Variants in CNTN5 observed in about 807,000 individuals in gnomAD.
CNTN5 encodes contactin 5.
CNTN5 carries 77 observed loss-of-function variants against 129.1 expected under a neutral mutation model. That is an observed-to-expected ratio of 0.60 (90% CI 0.50 to 0.72). The LOEUF is 0.72. CNTN5 is among the 30% of genes least tolerant of loss of function. The probability of loss-of-function intolerance (pLI) is 0.00; values close to 1 mark genes in which losing one functional copy is unlikely to be tolerated. For synonymous variants in CNTN5, 509 were observed against 465.6 expected, an observed-to-expected ratio of 1.09 and a Z score of -1.20; for missense variants, 1,478 against 1,328.8, an observed-to-expected ratio of 1.11 and a Z score of -1.75.
chr11:99,250,033 A>T (rs1156768323), intron 1 of CNTN5, among the ~76,000 whole-genome samples: 1 of 151,964 alleles, frequency 6.6e-6, no homozygotes, highest in Non-Finnish European at 1.5e-5. Flanking sequence ...GTGAGAGCAC[A>T]TTGGGATCAT....
intron 13 of CNTN5, among the ~76,000 whole-genome samples, chr11:100,094,483 T>C (rs1196234367): frequency 6.6e-6 from 1 of 152,150 alleles, no homozygotes; most frequent in Non-Finnish European, 1.5e-5. Flanking sequence ...TTTTAAACCT[T>C]TTAAGACTTT....
chr11:99,218,208 C>G (rs1310349822), intron 1 of CNTN5, among the ~76,000 whole-genome samples: 4 of 152,096 alleles, frequency 2.6e-5, no homozygotes, highest in African/African-American at 9.7e-5. Flanking sequence ...TTCCCTTGGA[C>G]TCTGTGACAT....
At chr11:99,764,851 G>T (rs1944700312) in intron 3 of CNTN5, among the ~76,000 whole-genome samples, 1 of 152,122 alleles carries the variant, frequency 6.6e-6, no homozygotes, top group South Asian at 2.1e-4. Flanking sequence ...GCATATGGCT[G>T]TAGCATCCTT....
intron 3 of CNTN5, among the ~76,000 whole-genome samples, chr11:99,756,487 T>G (rs1373589989): frequency 6.6e-6 from 1 of 152,126 alleles, no homozygotes; most frequent in African/African-American, 2.4e-5. Flanking sequence ...AAAGGTAGAT[T>G]GCATCTTGTC....
At chr11:99,994,209 G>A (rs1939303518) in intron 8 of CNTN5, among the ~76,000 whole-genome samples, 1 of 152,072 alleles carries the variant, frequency 6.6e-6, no homozygotes, top group Non-Finnish European at 1.5e-5. Flanking sequence ...TAATCTGGAA[G>A]AGAAGAGAGA....
At chr11:99,678,371 A>C (rs1316525324) in intron 3 of CNTN5, among the ~76,000 whole-genome samples, 1 of 152,148 alleles carries the variant, frequency 6.6e-6, no homozygotes, top group East Asian at 1.9e-4. Context: ...ATATGGCTAC[A>C]CAAAACAATC....
intron 7 of CNTN5, among the ~76,000 whole-genome samples, chr11:99,947,535 A>C (rs184646952): frequency 8.1e-4 from 123 of 152,304 alleles, no homozygotes; most frequent in Non-Finnish European, 1.3e-3. Context: ...CCATAAAAGC[A>C]CAAAAAACAT....
intron 21 of CNTN5, among the ~76,000 whole-genome samples, chr11:100,318,228 G>A (rs182503114): frequency 4.3e-4 from 55 of 129,208 alleles, no homozygotes; most frequent in African/African-American, 1.1e-3. Flanking sequence ...GCAATAGAGC[G>A]AGACTCTGTC....
chr11:100,045,320 C>G (rs542487702), intron 9 of CNTN5, among the ~76,000 whole-genome samples: 185 of 152,070 alleles, frequency 1.2e-3, no homozygotes, highest in African/African-American at 4.3e-3. Flanking sequence ...ACTTTAGTCA[C>G]CATGGTTTAA....
intron 13 of CNTN5, among the ~76,000 whole-genome samples, chr11:100,135,173 AGT>A (rs1491242832): frequency 7.3e-6 from 1 of 137,564 alleles, no homozygotes; most frequent in Non-Finnish European, 1.6e-5. Context: ...TGGATATAAA[AGT>A]GTTTTTTTTT....
intron 6 of CNTN5, among the ~76,000 whole-genome samples, chr11:99,907,495 C>G (rs1949540755): frequency 6.6e-6 from 1 of 151,678 alleles, no homozygotes; most frequent in African/African-American, 2.4e-5. Flanking sequence ...AAAAGTGTAT[C>G]CTGGAATCTT....
chr11:100,148,464 C>T (rs529207294), intron 13 of CNTN5, among the ~76,000 whole-genome samples: 12 of 152,286 alleles, frequency 7.9e-5, no homozygotes, highest in African/African-American at 2.6e-4. Flanking sequence ...AACAATATAT[C>T]TCTTTCAAGG....
At position 99,725,405 on chromosome 11, in the gene CNTN5, T is replaced by C. The variant is rs576076749; in HGVS notation, c.56-94139T>C. ...ATTTTTAACTTTTCACAAAGAGAAA[T>C]TTTCTTCCATTAATTATATTAAATT... On this transcript the variant is annotated intron_variant, in intron 3 of 24. Transcript: ENST00000524871. Among the ~76,000 whole-genome samples the C allele has an allele frequency of 6.6e-5, 10 of 151,896 alleles. No homozygotes were observed. The South Asian group carries it at 2.1e-3, about 32-fold the overall frequency.
At chr11:99,979,260 A>G (rs988147318) in intron 8 of CNTN5, among the ~76,000 whole-genome samples, 1 of 152,136 alleles carries the variant, frequency 6.6e-6, no homozygotes. Context: ...ACAATGTGTG[A>G]AGAGTAAAGA....
chr11:99,372,669 C>T (rs746249106), intron 2 of CNTN5, among the ~76,000 whole-genome samples: 60 of 151,956 alleles, frequency 3.9e-4, no homozygotes, highest in African/African-American at 4.8e-4. Flanking sequence ...TAGAATAGGA[C>T]GCACTTTTTT....
At chr11:99,835,394 A>G (rs1260940531) in intron 4 of CNTN5, among the ~76,000 whole-genome samples, 3 of 152,136 alleles carry the variant, frequency 2.0e-5, no homozygotes, top group African/African-American at 7.2e-5. Context: ...AAACTTCTCC[A>G]CTGGAGTCAG....
rs572890719 is a variant in CNTN5, at chr11:100,309,755, G to A, written c.2730+1287G>A. On this transcript the variant is annotated intron_variant, in intron 21 of 24. Coordinates refer to ENST00000524871, the MANE Select transcript of CNTN5 (RefSeq NM_014361.4). ...CTATCCAACCGTAGAAGACACTGTG[G>A]TGGTTTGTCCAGTTTCCCTTCTCTA... The A allele has an allele frequency of 2.2e-5, 21 of 970,552 alleles. No homozygotes were observed. In the African/African-American group the frequency reaches 3.2e-4, roughly 15 times the overall value. The allele number at this position is 970,552 out of a possible 1,614,324, so 60.1% of individuals were successfully genotyped here. A position where few individuals can be genotyped will look rare whatever the true frequency, so the allele number is the denominator to read the frequency against.
At chr11:99,798,007 T>C (rs1200329365) in intron 3 of CNTN5, among the ~76,000 whole-genome samples, 1 of 152,176 alleles carries the variant, frequency 6.6e-6, no homozygotes, top group Non-Finnish European at 1.5e-5. Context: ...GTTTGTTACA[T>C]AGGAAAACTT....
intron 3 of CNTN5, among the ~76,000 whole-genome samples, chr11:99,805,553 A>T (rs1019342870): frequency 9.9e-5 from 15 of 152,214 alleles, no homozygotes; most frequent in Non-Finnish European, 1.6e-4. Flanking sequence ...ATCACTACTC[A>T]TTAGGGTATT....
Sources: allele counts gnomAD v4.1 joint callset (sites outside exome capture counted in the v4.1 genomes callset), GRCh38; gene constraint gnomAD v4.1.1; transcripts MANE v1.5; gene names NCBI Gene and HGNC (gene_info 2026-07-23, HGNC 2026-07-21).